The following COBLL1 variants were observed in gnomAD, a reference collection of about 807,000 sequenced individuals.
COBLL1 encodes cordon-bleu protein-like 1.
Under a neutral mutation model 94.8 loss-of-function variants are expected in COBLL1, and 50 were observed. That is an observed-to-expected ratio of 0.53 (90% CI 0.42 to 0.67). The LOEUF (loss-of-function observed/expected upper bound fraction) is 0.67. Ranked by LOEUF, COBLL1 falls within the 30% of genes least tolerant of loss-of-function variation. The pLI is 0.00. For missense variants in COBLL1, 1,362 were observed against 1,348.7 expected (o/e 1.01, Z -0.15); for synonymous variants, 448 against 473.8 (o/e 0.95, Z 0.71).
At chr2:164,788,253 G>A (rs1384953034) in intron 2 of COBLL1, among the ~76,000 whole-genome samples, 1 of 152,190 alleles carries the variant, frequency 6.6e-6, no homozygotes, top group Non-Finnish European at 1.5e-5. Context: ...GAGGCCACAA[G>A]TCTTGTTTGA....
At chr2:164,687,781 T>C (rs984709067) in intron 13 of COBLL1, 1 of 484,508 alleles carries the variant, frequency 2.1e-6, no homozygotes, top group Non-Finnish European at 3.7e-6. Flanking sequence ...ACTGCAGAGG[T>C]AATGACTTCC....
In COBLL1 at chr2:164,841,731, T is replaced by C; in HGVS notation, c.-72A>G. On this transcript the variant is annotated 5_prime_UTR_variant, in exon 1 of 14. Coordinates refer to ENST00000652658, the MANE Select transcript of COBLL1 (RefSeq NM_001365672.2). This position sits in a 1 kb window ranked among gnomAD's most constrained non-coding sequence, Gnocchi z 5.5. ...CTACGTTCTTTTCCAAAGGAGACAG[T>C]AGCTCGCCTGTTCTCCCTCGCGGCT... The C allele has an allele frequency of 1.9e-6, 1 of 523,510 alleles. No individual in the cohort carries two copies. Among genetic ancestry groups the C allele is most frequent in the Non-Finnish European group, 3.3e-6 (1 of 298,648 alleles). The allele number at this position is 523,510 out of a possible 1,614,324, so 32.4% of individuals were successfully genotyped here.
chr2:164,706,785 C>T (rs1684624588), intron 7 of COBLL1, among the ~76,000 whole-genome samples: 1 of 152,196 alleles, frequency 6.6e-6, no homozygotes, highest in African/African-American at 2.4e-5. Flanking sequence ...TAGACTCCAT[C>T]TCCACATTGT....
At position 164,817,361 on chromosome 2, in the gene COBLL1, T is replaced by TAA. The variant is rs10599487; in HGVS notation, c.41+23793_41+23794dup. 7.8e-3 allele frequency among the ~76,000 whole-genome samples: 908 copies of TAA among 116,300 alleles called. 5 individuals are homozygous for TAA. The highest frequency in any genetic ancestry group is 0.026 in the African/African-American group (834 of 31,576). 76.3% of individuals were successfully genotyped at this position (116,300 alleles called of 152,430 possible). On this transcript the variant is annotated intron_variant, in intron 2 of 13. Transcript: ENST00000652658. ...CTTATCTGAGTGTAATGGTATATAT[T>TAA]AAAAAAAAAAAAAAAAAGAAGAAGA...
At chr2:164,807,396 C>T (rs1684223241) in intron 2 of COBLL1, among the ~76,000 whole-genome samples, 1 of 151,792 alleles carries the variant, frequency 6.6e-6, no homozygotes, top group Admixed American at 6.6e-5. Context: ...CAAGGTCATG[C>T]CACTGCACTC....
Position 164,694,992 on chromosome 2 carries a change from A to C in COBLL1, c.2400T>G (p.Pro800=), listed in dbSNP as rs560492547. ...GCACTTGATGCTCTGTTCTCAGGTTAGGCTTCGGTTTAAGGTTTGGCAGTG... is the reference window on the plus strand; with the variant it reads ...GCACTTGATGCTCTGTTCTCAGGTTCGGCTTCGGTTTAAGGTTTGGCAGTG... ...EEPLPNLKPK[P]NLRTEHQVPS... The change falls in exon 12 of 14, where the codon CCT becomes CCG. Residue 800 remains proline, a synonymous_variant. Coordinates refer to ENST00000652658, the MANE Select transcript of COBLL1 (RefSeq NM_001365672.2). The C allele has an allele frequency of 1.1e-4, 171 of 1,613,986 alleles. No homozygotes were observed. Among genetic ancestry groups the C allele is most frequent in the Non-Finnish European group, 1.4e-4 (160 of 1,179,940 alleles).
In COBLL1 at chr2:164,683,351, G is replaced by GA. The variant is rs1683131889; in HGVS notation, c.*2594dup. On this transcript the variant is annotated 3_prime_UTR_variant, in exon 14 of 14. Transcript: ENST00000652658. ...GCTGTTATTTTAGGATATGATGAGT[G>GA]AAAACTACTTGTCACAAATTTCTTT... The GA allele has an allele frequency of 6.6e-6, 1 of 151,992 alleles. No homozygotes were observed. The highest frequency in any genetic ancestry group is 2.4e-5 in the African/African-American group (1 of 41,422). 9.4% of individuals were successfully genotyped at this position (151,992 alleles called of 1,614,324 possible).
chr2:164,757,226 A>G (rs1687454474), intron 2 of COBLL1, among the ~76,000 whole-genome samples: 1 of 152,126 alleles, frequency 6.6e-6, no homozygotes, highest in Admixed American at 6.5e-5. Context: ...AACTTTATAA[A>G]CTCTAATACA....
intron 2 of COBLL1, among the ~76,000 whole-genome samples, chr2:164,776,451 A>C (rs1452143897): frequency 6.6e-6 from 1 of 151,962 alleles, no homozygotes; most frequent in Admixed American, 6.6e-5. Context: ...GCTTTTCCTC[A>C]CTCAGATCCC....
intron 2 of COBLL1, among the ~76,000 whole-genome samples, chr2:164,823,447 T>C (rs1685278707): frequency 6.6e-6 from 1 of 152,128 alleles, no homozygotes; most frequent in African/African-American, 2.4e-5. Context: ...AGGCCCAGTT[T>C]CTTCACCCTT....
chr2:164,836,778 C>G (rs918869586), intron 2 of COBLL1, among the ~76,000 whole-genome samples: 3 of 152,190 alleles, frequency 2.0e-5, no homozygotes, highest in African/African-American at 4.8e-5. Context: ...TCCATGTCAG[C>G]TATTGATATC....
Position 164,743,697 on chromosome 2 carries a change from CAGT to C in COBLL1, c.217_219del (p.Thr73del), listed in dbSNP as rs1193578518. On this transcript the variant is annotated inframe_deletion, in exon 3 of 14. Transcript: ENST00000652658. ...TTTACTCCAGCGTACCTGCCATGAA[CAGT>C]AGTAGATTTGATAATATCCCCAGGT... 14 of 1,612,676 alleles carry C rather than the reference CAGT, an allele frequency of 8.7e-6. No homozygotes were observed. Among genetic ancestry groups the C allele is most frequent in the Non-Finnish European group, 1.2e-5 (14 of 1,179,050 alleles).
chr2:164,802,064 A>C (rs563730034), intron 2 of COBLL1, among the ~76,000 whole-genome samples: 232 of 152,358 alleles, frequency 1.5e-3, no homozygotes, highest in African/African-American at 5.4e-3. Context: ...AAATTAAAAC[A>C]AAATTTAAGC....
chr2:164,793,180 A>C (rs1683277108), intron 2 of COBLL1, among the ~76,000 whole-genome samples: 1 of 152,148 alleles, frequency 6.6e-6, no homozygotes. Flanking sequence ...TGAAACACCC[A>C]ATTTATTCCT....
intron 5 of COBLL1, among the ~76,000 whole-genome samples, 191 bp downstream of exon 5, chr2:164,727,778 T>G (rs1193153407): frequency 6.6e-6 from 1 of 152,044 alleles, no homozygotes; most frequent in Non-Finnish European, 1.5e-5. Context: ...TGAAATTAAG[T>G]TGTTATATTT....
intron 2 of COBLL1, among the ~76,000 whole-genome samples, chr2:164,775,328 T>C (rs981338272): frequency 6.6e-6 from 1 of 152,166 alleles, no homozygotes; most frequent in Non-Finnish European, 1.5e-5. Flanking sequence ...TCTGTAATCT[T>C]ATCTTGCTTG....
chr2:164,795,567 G>A (rs977469941), intron 2 of COBLL1, among the ~76,000 whole-genome samples: 2 of 152,016 alleles, frequency 1.3e-5, no homozygotes, highest in Non-Finnish European at 2.9e-5. Context: ...AGGATCGTAA[G>A]CTATGTCTTC....
At chr2:164,803,582 T>TAAATAAAATAAAATA (rs141238166) in intron 2 of COBLL1, among the ~76,000 whole-genome samples, 394 of 146,368 alleles carry the variant, frequency 2.7e-3, no homozygotes, top group African/African-American at 7.9e-3. Flanking sequence ...AATAAATAAA[T>TAAATAAAATAAAATA]AAATAAAATA....
At chr2:164,737,551 A>G (rs1019829160) in intron 3 of COBLL1, among the ~76,000 whole-genome samples, 14 of 152,238 alleles carry the variant, frequency 9.2e-5, no homozygotes, top group African/African-American at 3.1e-4. Flanking sequence ...AGCATCTTAT[A>G]TAGTTAAACA....
Sources: allele counts gnomAD v4.1 joint callset (sites outside exome capture counted in the v4.1 genomes callset), GRCh38; gene constraint gnomAD v4.1.1; non-coding constraint Gnocchi (gnomAD v3.1); transcripts MANE v1.5; gene names NCBI Gene and HGNC (gene_info 2026-07-23, HGNC 2026-07-21).